The following MEOX2 variants were observed in gnomAD, a reference collection of about 807,000 sequenced individuals.
The protein encoded by MEOX2 is mesenchyme homeobox 2.
MEOX2 carries 11 observed loss-of-function variants against 27.0 expected under a neutral mutation model. The ratio of observed to expected loss-of-function variants is 0.41; its 90% CI spans 0.26 to 0.68. The LOEUF is 0.68. Ranked by LOEUF, MEOX2 falls within the 30% of genes least tolerant of loss-of-function variation. The pLI is 0.33. For missense variants in MEOX2, 436 were observed against 385.4 expected (o/e 1.13, Z -1.10); for synonymous variants, 189 against 155.4 (o/e 1.22, Z -1.61).
intron 1 of MEOX2, among the ~76,000 whole-genome samples, chr7:15,643,168 G>T (rs1012203934): frequency 2.0e-5 from 3 of 152,238 alleles, no homozygotes; most frequent in South Asian, 4.1e-4. Context: ...CTCCCAGCCA[G>T]TAGGTGATGC....
intron 1 of MEOX2, among the ~76,000 whole-genome samples, chr7:15,685,011 A>C (rs776523122): frequency 6.6e-6 from 1 of 152,200 alleles, no homozygotes; most frequent in Non-Finnish European, 1.5e-5. Context: ...TCCCCACTGA[A>C]ATCAGCGCCT....
At chr7:15,621,411 C>T (rs1160536162) in intron 2 of MEOX2, among the ~76,000 whole-genome samples, 3 of 151,862 alleles carry the variant, frequency 2.0e-5, no homozygotes, top group Admixed American at 6.5e-5. Context: ...TTTTTTCCTT[C>T]TTTGGCCAGA....
At chr7:15,643,734 CT>C (rs1781598702) in intron 1 of MEOX2, among the ~76,000 whole-genome samples, 1 of 152,150 alleles carries the variant, frequency 6.6e-6, no homozygotes, top group African/African-American at 2.4e-5. Context: ...CGCTGTGCCC[CT>C]AAACAAACCT....
chr7:15,671,506 G>A (rs1042518447), intron 1 of MEOX2, among the ~76,000 whole-genome samples: 9 of 152,110 alleles, frequency 5.9e-5, no homozygotes, highest in African/African-American at 1.4e-4. Flanking sequence ...GACAGTTTAC[G>A]TGACTAAGCC....
At chr7:15,670,367 T>A (rs1261631770) in intron 1 of MEOX2, among the ~76,000 whole-genome samples, 1 of 152,224 alleles carries the variant, frequency 6.6e-6, no homozygotes, top group Non-Finnish European at 1.5e-5. Flanking sequence ...ATGCTTCAAC[T>A]TTTCATTGTA....
intron 1 of MEOX2, among the ~76,000 whole-genome samples, chr7:15,664,918 TG>T (rs1326931832): frequency 6.6e-6 from 1 of 152,188 alleles, no homozygotes; most frequent in East Asian, 1.9e-4. Flanking sequence ...TCTTGGAGGA[TG>T]AAGCAAAAGT....
At chr7:15,658,524 A>C (rs1043189725) in intron 1 of MEOX2, among the ~76,000 whole-genome samples, 1 of 152,176 alleles carries the variant, frequency 6.6e-6, no homozygotes, top group African/African-American at 2.4e-5. Context: ...TCTGGTATTA[A>C]TGAGGCAAAA....
intron 2 of MEOX2, among the ~76,000 whole-genome samples, chr7:15,621,889 C>T (rs1781227797): frequency 6.6e-6 from 1 of 152,118 alleles, no homozygotes; most frequent in African/African-American, 2.4e-5. Context: ...GAGGCCGAGG[C>T]TGGTGGATCA....
chr7:15,661,750 C>T (rs1781922873), intron 1 of MEOX2, among the ~76,000 whole-genome samples: 1 of 152,122 alleles, frequency 6.6e-6, no homozygotes, highest in African/African-American at 2.4e-5. Flanking sequence ...GAAAATCATT[C>T]TCTGAGAGAA....
chr7:15,639,678 A>C (rs1781531387), intron 1 of MEOX2, among the ~76,000 whole-genome samples: 1 of 152,068 alleles, frequency 6.6e-6, no homozygotes, highest in African/African-American at 2.4e-5. Context: ...ATTCTTCTGC[A>C]TGTAGCTAGC....
intron 1 of MEOX2, among the ~76,000 whole-genome samples, chr7:15,661,973 T>C (rs916822725): frequency 6.6e-6 from 1 of 152,092 alleles, no homozygotes; most frequent in African/African-American, 2.4e-5. Context: ...ACTTGTTTTG[T>C]ATTTAGACAG....
intron 1 of MEOX2, among the ~76,000 whole-genome samples, chr7:15,669,542 T>G (rs1404312152): frequency 6.6e-6 from 1 of 152,220 alleles, no homozygotes; most frequent in African/African-American, 2.4e-5. Context: ...AATTAATCTT[T>G]ATTAAAAATG....
chr7:15,671,535 G>C (rs1252688908), intron 1 of MEOX2, among the ~76,000 whole-genome samples: 1 of 152,122 alleles, frequency 6.6e-6, no homozygotes, highest in Non-Finnish European at 1.5e-5. Flanking sequence ...GAGCTGAAAT[G>C]ACTTTATTAG....
chr7:15,617,502 T>TCC (rs1781142169), intron 2 of MEOX2, among the ~76,000 whole-genome samples: 1 of 151,996 alleles, frequency 6.6e-6, no homozygotes, highest in Non-Finnish European at 1.5e-5. Context: ...GCAAGAATGC[T>TCC]TAAAAGTAAA....
At position 15,620,649 on chromosome 7, in the gene MEOX2, T is replaced by C. The variant is rs17168913; in HGVS notation, c.690+6097A>G. On this transcript the variant is annotated intron_variant, in intron 2 of 2. Coordinates refer to ENST00000262041, the MANE Select transcript of MEOX2 (RefSeq NM_005924.5). ...ATTTGGCACACAAAATATTTCTCTT[T>C]AGTAGTCATCAAAAAAATGATAGCT... 7.9e-3 allele frequency among the ~76,000 whole-genome samples: 1,197 copies of C among 152,296 alleles called. 15 individuals carry two copies. The highest frequency in any genetic ancestry group is 0.028 in the African/African-American group (1,156 of 41,568).
At chr7:15,676,538 T>C (rs1002518122) in intron 1 of MEOX2, among the ~76,000 whole-genome samples, 3 of 152,102 alleles carry the variant, frequency 2.0e-5, no homozygotes, top group Non-Finnish European at 4.4e-5. Flanking sequence ...CTGTTTCCTC[T>C]TGACTAAATG....
At chr7:15,655,812 T>C (rs1021652618) in intron 1 of MEOX2, among the ~76,000 whole-genome samples, 15 of 151,812 alleles carry the variant, frequency 9.9e-5, no homozygotes, top group African/African-American at 3.6e-4. Context: ...GCTTTAAAAA[T>C]ATGTGTATTC....
chr7:15,669,589 G>C (rs987127713), intron 1 of MEOX2, among the ~76,000 whole-genome samples: 1 of 152,120 alleles, frequency 6.6e-6, no homozygotes, highest in African/African-American at 2.4e-5. Context: ...TTCCCACATA[G>C]TCAAAACTCT....
chr7:15,638,759 A>G (rs1583757836), intron 1 of MEOX2, among the ~76,000 whole-genome samples: 1 of 151,982 alleles, frequency 6.6e-6, no homozygotes, highest in East Asian at 1.9e-4. Flanking sequence ...GAGTTATTTC[A>G]CTTAAGATAA....
Sources: gnomAD v4.1 joint callset for allele counts (sites outside exome capture counted in the v4.1 genomes callset) on GRCh38, gnomAD v4.1.1 for gene constraint, MANE v1.5 for transcripts, NCBI Gene and HGNC (gene_info 2026-07-23, HGNC 2026-07-21) for gene names.